The following PLEKHA7 variants were observed in gnomAD, a reference collection of about 807,000 sequenced individuals.
PLEKHA7 encodes pleckstrin homology domain containing A7.
PLEKHA7 carries 104 observed loss-of-function variants against 170.0 expected under a neutral mutation model. That is an observed-to-expected ratio of 0.61 (90% CI 0.52 to 0.72). The LOEUF is 0.72. Ranked by LOEUF, PLEKHA7 falls within the 30% of genes least tolerant of loss-of-function variation. The pLI is 0.00. For synonymous variants in PLEKHA7, 648 were observed against 660.8 expected (o/e 0.98, Z 0.30); for missense variants, 1,615 against 1,671.7 (o/e 0.97, Z 0.59).
intron 3 of PLEKHA7, among the ~76,000 whole-genome samples, chr11:16,967,446 G>A (rs1015073769): frequency 6.6e-6 from 1 of 152,154 alleles, no homozygotes; most frequent in Non-Finnish European, 1.5e-5. Context: ...TTTGGCTGGG[G>A]AGCTCTAGGC....
At chr11:16,932,107 C>G (rs917115287) in intron 3 of PLEKHA7, among the ~76,000 whole-genome samples, 5 of 152,072 alleles carry the variant, frequency 3.3e-5, no homozygotes, top group African/African-American at 1.2e-4. Flanking sequence ...CACTTACCAG[C>G]TGGGGGACCC....
intron 17 of PLEKHA7, chr11:16,795,417 G>T: frequency 1.0e-5 from 2 of 194,904 alleles, no homozygotes; most frequent in South Asian, 1.0e-4. Context: ...TAATGTTTCA[G>T]TTATACAGGA....
chr11:16,886,710 C>CA (rs35564863), intron 3 of PLEKHA7, among the ~76,000 whole-genome samples: 24,143 of 77,490 alleles, frequency 0.31, 3,158 homozygotes, highest in Non-Finnish European at 0.37. Flanking sequence ...GACTCTGTCT[C>CA]AAAAAAAAAA....
rs986766925 is a variant in PLEKHA7, at chr11:16,783,003, A to C, written c.3651-107T>G. The C allele has an allele frequency of 5.8e-6, 7 of 1,211,100 alleles. No individual in the cohort carries two copies. The African/African-American group carries it at 1.1e-4, about 18-fold the overall frequency. The allele number at this position is 1,211,100 out of a possible 1,614,324, so 75.0% of individuals were successfully genotyped here. On this transcript the variant is annotated intron_variant, in intron 25 of 26. Coordinates refer to ENST00000531066, the MANE Select transcript of PLEKHA7 (RefSeq NM_001329630.2). ...GGTTCTCAACATTTTGAGGGGGATC[A>C]GACAAAAACTGTGGTACTTTCTCCC...
chr11:16,962,235 G>C (rs967214732), intron 3 of PLEKHA7, among the ~76,000 whole-genome samples: 1 of 152,218 alleles, frequency 6.6e-6, no homozygotes, highest in Non-Finnish European at 1.5e-5. Flanking sequence ...GTGGCCATGA[G>C]GGGGCTAATT....
chr11:16,882,873 TACAC>T (rs756811238), intron 3 of PLEKHA7, among the ~76,000 whole-genome samples: 2 of 48,130 alleles, frequency 4.2e-5, no homozygotes, highest in Non-Finnish European at 1.4e-4. Flanking sequence ...CACACACACA[TACAC>T]ACACACACAC....
chr11:16,889,421 ATATATATAT>A (rs1333864874), intron 3 of PLEKHA7, among the ~76,000 whole-genome samples: 3 of 67,616 alleles, frequency 4.4e-5, no homozygotes, highest in East Asian at 4.1e-4. Flanking sequence ...AAAAAAAAAA[ATATATATAT>A]ATATATATAT....
Position 16,816,990 on chromosome 11 carries a change from T to A in PLEKHA7, c.1676A>T (p.Glu559Val). 1 of 1,605,470 alleles carries A rather than the reference T, an allele frequency of 6.2e-7. No homozygotes were observed. The highest frequency in any genetic ancestry group is 8.5e-7 in the Non-Finnish European group (1 of 1,175,328). ...AGGCACAGAGATGGAGCGGGGCACC[T>A]CTAGCATGCTCCTGCTCCGGCCCTG... ...TDQGRSRSML[E>V]VPRSISVPPS... The change falls in exon 11 of 27, where the codon GAG becomes GTG. Residue 559 changes from glutamate to valine, a missense_variant. Transcript: ENST00000531066.
intron 3 of PLEKHA7, among the ~76,000 whole-genome samples, chr11:16,957,901 C>T (rs998011997): frequency 6.6e-6 from 1 of 151,772 alleles, no homozygotes; most frequent in African/African-American, 2.4e-5. Flanking sequence ...CACGGAGATT[C>T]ACCATGCTGG....
chr11:16,829,647 G>T (rs891998646), intron 9 of PLEKHA7, among the ~76,000 whole-genome samples: 1 of 152,072 alleles, frequency 6.6e-6, no homozygotes, highest in African/African-American at 2.4e-5. Flanking sequence ...ATGGTGGTGT[G>T]CACCTGTAGC....
rs544425353 is a variant in PLEKHA7, at chr11:16,941,829, AGCAGCATTATGTGTGAAG to A, written c.222-70665_222-70648del. ...TGTCAAAACCTAATACATAAAGTAA[AGCAGCATTATGTGTGAAG>A]GCCCCTCAGCCAGTGCACAAGCATG... On this transcript the variant is annotated intron_variant, in intron 3 of 26. Coordinates refer to ENST00000531066, the MANE Select transcript of PLEKHA7 (RefSeq NM_001329630.2). Among the ~76,000 whole-genome samples the A allele has an allele frequency of 1.8e-4, 28 of 152,316 alleles. 1 individual carries two copies. In the South Asian group the frequency reaches 5.6e-3, roughly 30 times the overall value.
chr11:16,841,937 A>G (rs577002480), intron 8 of PLEKHA7, among the ~76,000 whole-genome samples: 6 of 151,456 alleles, frequency 4.0e-5, no homozygotes, highest in African/African-American at 1.5e-4. Context: ...AAAAGCCTGC[A>G]GCTGTAACTG....
At chr11:16,948,411 T>C (rs1861185476) in intron 3 of PLEKHA7, among the ~76,000 whole-genome samples, 1 of 152,126 alleles carries the variant, frequency 6.6e-6, no homozygotes, top group African/African-American at 2.4e-5. Flanking sequence ...CTATACACAA[T>C]AAATACAATT....
intron 17 of PLEKHA7, 83 bp from the exon 18 acceptor site, chr11:16,795,101 GC>G (rs1221747201): frequency 3.0e-6 from 3 of 1,003,872 alleles, no homozygotes; most frequent in Admixed American, 3.5e-5. Flanking sequence ...TTCAGACAGA[GC>G]CCCCCGCCCT....
chr11:16,939,770 A>C (rs1177143593), intron 3 of PLEKHA7, among the ~76,000 whole-genome samples: 2 of 152,086 alleles, frequency 1.3e-5, no homozygotes, highest in East Asian at 3.9e-4. Context: ...CCACCCCAAC[A>C]AGGCCTTCCT....
intron 3 of PLEKHA7, among the ~76,000 whole-genome samples, chr11:16,877,520 G>A (rs112420741): frequency 7.9e-5 from 12 of 152,278 alleles, no homozygotes; most frequent in African/African-American, 2.9e-4. Flanking sequence ...TTAATGCAAA[G>A]CATCATCATT....
At chr11:16,832,692 A>G (rs1242688213) in intron 9 of PLEKHA7, among the ~76,000 whole-genome samples, 1 of 152,156 alleles carries the variant, frequency 6.6e-6, no homozygotes, top group East Asian at 1.9e-4. Context: ...CTTAGTCCTG[A>G]TGTCCAACAC....
chr11:16,883,886 C>A (rs537130709), intron 3 of PLEKHA7, among the ~76,000 whole-genome samples: 1 of 152,322 alleles, frequency 6.6e-6, no homozygotes, highest in Admixed American at 6.5e-5. Flanking sequence ...GTTCCTTTTC[C>A]TGCCTCCAAT....
chr11:16,879,395 C>A (rs2135770858), intron 3 of PLEKHA7, among the ~76,000 whole-genome samples: 1 of 152,300 alleles, frequency 6.6e-6, no homozygotes, highest in East Asian at 1.9e-4. Flanking sequence ...GAACCGATGT[C>A]ATTTTCTGAT....
Sources: gnomAD v4.1 joint callset for allele counts (sites outside exome capture counted in the v4.1 genomes callset) on GRCh38, gnomAD v4.1.1 for gene constraint, MANE v1.5 for transcripts, NCBI Gene and HGNC (gene_info 2026-07-23, HGNC 2026-07-21) for gene names.